Variants in LYPLAL1 observed in about 807,000 individuals in gnomAD.
LYPLAL1 encodes lysophospholipase-like protein 1.
In LYPLAL1, 23 loss-of-function variants were observed where a neutral mutation model predicts 19.7. That is an observed-to-expected ratio of 1.17 (90% CI 0.84 to 1.65). LYPLAL1 has a LOEUF of 1.65. LYPLAL1 is among the 40% of genes most tolerant of loss of function. The probability of loss-of-function intolerance (pLI) is 0.00; values close to 1 mark genes in which losing one functional copy is unlikely to be tolerated. For missense variants in LYPLAL1, 355 were observed against 279.4 expected (o/e 1.27, Z -1.93); for synonymous variants, 119 against 96.3 (o/e 1.24, Z -1.38).
the LYPLAL1 span, among the ~76,000 whole-genome samples, chr1:219,339,111 C>T: frequency 6.6e-6 from 1 of 151,870 alleles, no homozygotes; most frequent in Non-Finnish European, 1.5e-5. Context: ...GTGAGACCCA[C>T]ATTGAGCTCT....
the LYPLAL1 span, among the ~76,000 whole-genome samples, chr1:219,300,247 G>A: frequency 1.3e-5 from 2 of 152,116 alleles, no homozygotes; most frequent in African/African-American, 4.8e-5. Context: ...GCCTCCCAAA[G>A]TGATGGGATA....
the LYPLAL1 span, among the ~76,000 whole-genome samples, chr1:219,434,765 A>C: frequency 2.0e-5 from 3 of 152,200 alleles, no homozygotes; most frequent in Non-Finnish European, 4.4e-5. Context: ...AAAGGAGATT[A>C]GAAGAGCATT....
At chr1:219,402,468 A>T in the LYPLAL1 span, among the ~76,000 whole-genome samples, 1 of 152,154 alleles carries the variant, frequency 6.6e-6, no homozygotes, top group Non-Finnish European at 1.5e-5. Flanking sequence ...TCCCCCTAAG[A>T]TAAGCATTCA....
At chr1:219,282,020 G>A in the LYPLAL1 span, among the ~76,000 whole-genome samples, 2 of 152,132 alleles carry the variant, frequency 1.3e-5, no homozygotes, top group Non-Finnish European at 2.9e-5. Flanking sequence ...TGTGCAACAT[G>A]AGCATGGAGA....
At chr1:219,426,160 T>C in the LYPLAL1 span, among the ~76,000 whole-genome samples, 2 of 152,232 alleles carry the variant, frequency 1.3e-5, no homozygotes, top group Non-Finnish European at 2.9e-5. Context: ...TGGGCTTGTT[T>C]GCAGAGAAGC....
At chr1:219,364,202 C>T in the LYPLAL1 span, among the ~76,000 whole-genome samples, 1 of 152,116 alleles carries the variant, frequency 6.6e-6, no homozygotes, top group South Asian at 2.1e-4. Flanking sequence ...TGTCATTGAA[C>T]AACGCAATAA....
chr1:219,253,702 G>T, the LYPLAL1 span, among the ~76,000 whole-genome samples: 70,736 of 151,868 alleles, frequency 0.47, 16,841 homozygotes, highest in East Asian at 0.66. Context: ...CTAATTATGT[G>T]GTTCGTTTTA....
the LYPLAL1 span, among the ~76,000 whole-genome samples, chr1:219,422,247 A>T: frequency 6.6e-6 from 1 of 152,252 alleles, no homozygotes; most frequent in South Asian, 2.1e-4. Context: ...ACCACAGATC[A>T]TGTATAAATG....
the LYPLAL1 span, among the ~76,000 whole-genome samples, chr1:219,241,132 C>CTATATATATATATATATATATATA: frequency 1.7e-5 from 1 of 57,508 alleles, no homozygotes; most frequent in Non-Finnish European, 3.8e-5. Flanking sequence ...CTCTCTCTCT[C>CTATATATATATATATATATATATA]TCTATATATA....
chr1:219,356,183 A>C, the LYPLAL1 span, among the ~76,000 whole-genome samples: 8 of 152,196 alleles, frequency 5.3e-5, no homozygotes, highest in African/African-American at 1.9e-4. Flanking sequence ...AAATAAATAA[A>C]TAAAATGATT....
the LYPLAL1 span, among the ~76,000 whole-genome samples, chr1:219,248,132 C>G: frequency 6.6e-6 from 1 of 152,098 alleles, no homozygotes; most frequent in Non-Finnish European, 1.5e-5. Flanking sequence ...AATCACTTAA[C>G]ATATGAAACA....
the LYPLAL1 span, among the ~76,000 whole-genome samples, chr1:219,378,721 GC>G: frequency 3.3e-5 from 5 of 152,108 alleles, no homozygotes; most frequent in Non-Finnish European, 7.4e-5. Context: ...GACATGGAGT[GC>G]TTTAGCATGA....
the LYPLAL1 span, among the ~76,000 whole-genome samples, chr1:219,235,553 A>G: frequency 6.6e-6 from 1 of 152,182 alleles, no homozygotes; most frequent in African/African-American, 2.4e-5. Context: ...GCCATGACCA[A>G]ACATGTTTTT....
chr1:219,284,057 G>A, the LYPLAL1 span, among the ~76,000 whole-genome samples: 2 of 152,292 alleles, frequency 1.3e-5, no homozygotes. Context: ...ATGATAGTGA[G>A]TAAGTTCTCA....
the LYPLAL1 span, among the ~76,000 whole-genome samples, chr1:219,409,046 G>A: frequency 6.6e-6 from 1 of 152,186 alleles, no homozygotes; most frequent in Admixed American, 6.5e-5. Flanking sequence ...AAATGACTTA[G>A]AAGTATACTT....
At chr1:219,411,221 ACT>A in the LYPLAL1 span, among the ~76,000 whole-genome samples, 2 of 120,552 alleles carry the variant, frequency 1.7e-5, no homozygotes, top group Non-Finnish European at 3.8e-5. Context: ...ACCAATCGAC[ACT>A]CTGTATCTAG....
the LYPLAL1 span, among the ~76,000 whole-genome samples, chr1:219,397,251 C>A: frequency 6.6e-6 from 1 of 152,152 alleles, no homozygotes; most frequent in Admixed American, 6.5e-5. Context: ...ACCTTGTATT[C>A]CAGGGATAAA....
the LYPLAL1 span, among the ~76,000 whole-genome samples, chr1:219,230,529 T>A: frequency 6.6e-6 from 1 of 152,348 alleles, no homozygotes; most frequent in Admixed American, 6.5e-5. Context: ...TGATTCATAA[T>A]GTTTTCAATC....
At chr1:219,354,651 A>T in the LYPLAL1 span, among the ~76,000 whole-genome samples, 1 of 152,248 alleles carries the variant, frequency 6.6e-6, no homozygotes, top group South Asian at 2.1e-4. Context: ...TAGCTATAGG[A>T]AAACAACGCA....
Sources: allele counts gnomAD v4.1 joint callset (sites outside exome capture counted in the v4.1 genomes callset), GRCh38; gene constraint gnomAD v4.1.1; transcripts MANE v1.5; gene names NCBI Gene and HGNC (gene_info 2026-07-23, HGNC 2026-07-21).